Variants in ARK2C observed in about 807,000 individuals in gnomAD.
ARK2C encodes arkadia (RNF111) C-terminal like ring finger ubiquitin ligase 2C, also known as E3 ubiquitin-protein ligase ARK2C.
the ARK2C span, among the ~76,000 whole-genome samples, chr18:46,415,334 C>T: frequency 6.6e-5 from 10 of 152,106 alleles, no homozygotes; most frequent in Admixed American, 1.3e-4. Context: ...CCCTGGCTAA[C>T]ACGGTGAAAC....
chr18:46,402,262 A>G, the ARK2C span, among the ~76,000 whole-genome samples: 1 of 152,354 alleles, frequency 6.6e-6, no homozygotes, highest in Non-Finnish European at 1.5e-5. Context: ...CTGAGCAGGT[A>G]TTATATACTA....
At chr18:46,336,490 G>C in the ARK2C span, 1 of 985,430 alleles carries the variant, frequency 1.0e-6, no homozygotes, top group Non-Finnish European at 1.2e-6. Context: ...TGGTCTGTGG[G>C]TAAAATTTCG....
the ARK2C span, among the ~76,000 whole-genome samples, chr18:46,425,000 G>A: frequency 1.4e-3 from 216 of 152,270 alleles, no homozygotes; most frequent in African/African-American, 4.9e-3. Flanking sequence ...CCCTGTGGCC[G>A]GCTGTCCTGT....
the ARK2C span, among the ~76,000 whole-genome samples, chr18:46,360,653 C>A: frequency 6.6e-6 from 1 of 152,216 alleles, no homozygotes; most frequent in South Asian, 2.1e-4. Context: ...TCAGTCAGCT[C>A]TTCCCTGGGG....
the ARK2C span, among the ~76,000 whole-genome samples, chr18:46,398,431 A>G: frequency 6.6e-6 from 1 of 152,000 alleles, no homozygotes; most frequent in Non-Finnish European, 1.5e-5. Flanking sequence ...AGGGTCTGGC[A>G]GAAGAAACCT....
the ARK2C span, chr18:46,336,380 C>T: frequency 6.0e-5 from 58 of 972,368 alleles, 1 homozygote; most frequent in Admixed American, 1.3e-4. Context: ...CTCACCCCCC[C>T]CAACAAAAAA....
the ARK2C span, among the ~76,000 whole-genome samples, chr18:46,415,714 C>A: frequency 1.3e-5 from 2 of 152,022 alleles, no homozygotes; most frequent in African/African-American, 4.8e-5. Flanking sequence ...TCTTTCTAAC[C>A]CTTGAGCCTC....
chr18:46,387,290 A>G, the ARK2C span, among the ~76,000 whole-genome samples: 7 of 152,162 alleles, frequency 4.6e-5, no homozygotes, highest in Admixed American at 2.0e-4. Flanking sequence ...CAAGTGGGTG[A>G]GGGGGTTGGG....
chr18:46,425,125 C>A, the ARK2C span, among the ~76,000 whole-genome samples: 10 of 152,212 alleles, frequency 6.6e-5, no homozygotes, highest in African/African-American at 1.9e-4. Flanking sequence ...TGCCCCAACA[C>A]TGGGGAAGAG....
At chr18:46,338,219 T>G in the ARK2C span, among the ~76,000 whole-genome samples, 2 of 152,202 alleles carry the variant, frequency 1.3e-5, no homozygotes, top group Admixed American at 1.3e-4. Context: ...GAAGCCATGA[T>G]CTGGAATTTT....
At chr18:46,457,188 G>A in the ARK2C span, 1 of 152,302 alleles carries the variant, frequency 6.6e-6, no homozygotes, top group Non-Finnish European at 1.5e-5. Flanking sequence ...CCGAACCAAC[G>A]ACAGCCCCAA....
At chr18:46,411,023 C>T in the ARK2C span, among the ~76,000 whole-genome samples, 1 of 152,184 alleles carries the variant, frequency 6.6e-6, no homozygotes, top group South Asian at 2.1e-4. Flanking sequence ...GATGAGCCTC[C>T]CAAAGTGAAA....
At chr18:46,440,158 C>T in the ARK2C span, among the ~76,000 whole-genome samples, 1 of 152,166 alleles carries the variant, frequency 6.6e-6, no homozygotes, top group Non-Finnish European at 1.5e-5. Flanking sequence ...TCTTTGTTCT[C>T]TCGCTTCCCC....
the ARK2C span, chr18:46,433,440 C>A: frequency 6.8e-6 from 11 of 1,613,354 alleles, no homozygotes; most frequent in Non-Finnish European, 9.3e-6. Flanking sequence ...AGGCCCTGCA[C>A]CAGCAATACC....
the ARK2C span, chr18:46,334,394 C>G: frequency 1.4e-6 from 2 of 1,479,092 alleles, no homozygotes; most frequent in Non-Finnish European, 1.8e-6. The surrounding 1 kb of genome is among the most constrained non-coding windows in gnomAD (Gnocchi z 4.4). Flanking sequence ...GGCACCGGGG[C>G]GGGGGCGGGC....
chr18:46,345,158 G>T, the ARK2C span, among the ~76,000 whole-genome samples: 74 of 152,356 alleles, frequency 4.9e-4, no homozygotes, highest in African/African-American at 1.7e-3. Context: ...GAACCAGAGG[G>T]ATAGGGCAGC....
chr18:46,342,885 A>G, the ARK2C span, among the ~76,000 whole-genome samples: 3 of 152,220 alleles, frequency 2.0e-5, no homozygotes, highest in East Asian at 5.8e-4. Context: ...TTGTTCATCT[A>G]TTTGTTGTTT....
the ARK2C span, among the ~76,000 whole-genome samples, chr18:46,411,227 A>T: frequency 6.6e-6 from 1 of 152,238 alleles, no homozygotes; most frequent in Non-Finnish European, 1.5e-5. Context: ...GAGAGAGCTT[A>T]GCTCTTGGCA....
chr18:46,375,553 CTAATAATAATAATAATAATAA>C, the ARK2C span, among the ~76,000 whole-genome samples: 110 of 137,872 alleles, frequency 8.0e-4, no homozygotes, highest in African/African-American at 2.5e-3. Context: ...GACTCTGTCT[CTAATAATAATAATAATAATAA>C]TAATAATAAT....
Sources: gnomAD v4.1 joint callset for allele counts (sites outside exome capture counted in the v4.1 genomes callset) on GRCh38, gnomAD v4.1.1 for gene constraint, Gnocchi (gnomAD v3.1) non-coding constraint, MANE v1.5 for transcripts, NCBI Gene and HGNC (gene_info 2026-07-23, HGNC 2026-07-21) for gene names.